The following CCN4 variants were observed in gnomAD, a reference collection of about 807,000 sequenced individuals.
The protein encoded by CCN4 is CCN family member 4.
Under a neutral mutation model 36.7 loss-of-function variants are expected in CCN4, and 30 were observed. That is an observed-to-expected ratio of 0.82 (90% CI 0.61 to 1.11). CCN4 has a LOEUF of 1.11. Among genes scored for constraint, CCN4 ranks in the 50% least tolerant of loss-of-function variants. CCN4 has a pLI of 0.00. For missense variants in CCN4, 505 were observed against 504.9 expected (o/e 1.00, Z 0.00); for synonymous variants, 191 against 195.4 (o/e 0.98, Z 0.19).
rs1854963635 is a variant in CCN4 at position 133,231,466 on chromosome 8, T to G, written c.*3756T>G. ...AATAACACTTGGGCAATCTGTCATG[T>G]TTCACAACAGTTCTCATTTTTCTCA... On this transcript the variant is annotated 3_prime_UTR_variant, in exon 5 of 5. Transcript: ENST00000250160. 1 of 152,234 alleles carries G rather than the reference T, an allele frequency of 6.6e-6. No homozygotes were observed. Among genetic ancestry groups the G allele is most frequent in the Non-Finnish European group, 1.5e-5 (1 of 68,032 alleles). 9.4% of individuals were successfully genotyped at this position (152,234 alleles called of 1,614,324 possible).
intron 3 of CCN4, 99 bp downstream of exon 3, chr8:133,220,940 C>T (rs1277777794): frequency 1.5e-5 from 21 of 1,440,330 alleles, no homozygotes; most frequent in Non-Finnish European, 1.9e-5. Context: ...TTCCCCAGTC[C>T]ACTACCTACT....
intron 1 of CCN4, among the ~76,000 whole-genome samples, chr8:133,209,605 C>T (rs62514029): frequency 0.079 from 12,006 of 152,300 alleles, 642 homozygotes; most frequent in Non-Finnish European, 0.12. Flanking sequence ...AAGGAAGCTT[C>T]CTTCTGGGCA....
intron 3 of CCN4, among the ~76,000 whole-genome samples, chr8:133,224,935 CAA>C (rs55861580): frequency 1.1e-3 from 137 of 130,154 alleles, no homozygotes; most frequent in East Asian, 1.6e-3. Flanking sequence ...AACTCTGTCT[CAA>C]AAAAAAAAAA....
intron 1 of CCN4, among the ~76,000 whole-genome samples, chr8:133,210,304 G>A (rs1225374968): frequency 6.6e-6 from 1 of 152,052 alleles, no homozygotes; most frequent in African/African-American, 2.4e-5. Flanking sequence ...CTGAGAGATG[G>A]TCTGCTAGTG....
Position 133,226,800 on chromosome 8 carries a change from A to G in CCN4, c.805-611A>G, listed in dbSNP as rs553954915. On this transcript the variant is annotated intron_variant, in intron 4 of 4. Transcript: ENST00000250160. ...ACTATTTACACAGTAGACCCTGAGA[A>G]CCCTCAATCCAATGGGTTTAGTAAG... Among the ~76,000 whole-genome samples the G allele has an allele frequency of 2.0e-5, 3 of 152,278 alleles. No individual in the cohort carries two copies. The South Asian group carries it at 6.2e-4, about 32-fold the overall frequency.
chr8:133,206,074 G>A (rs369564897), intron 1 of CCN4, among the ~76,000 whole-genome samples: 22 of 152,268 alleles, frequency 1.4e-4, no homozygotes, highest in African/African-American at 5.3e-4. Flanking sequence ...GTGCGGCATG[G>A]GAGTCCCACC....
intron 2 of CCN4, 25 bp downstream of exon 2, chr8:133,213,168 G>T: frequency 6.3e-7 from 1 of 1,579,152 alleles, no homozygotes; most frequent in Non-Finnish European, 8.7e-7. Flanking sequence ...CATACCTTCT[G>T]ACCAGCCCCT....
intron 1 of CCN4, among the ~76,000 whole-genome samples, chr8:133,192,020 A>G (rs1409095908): frequency 6.6e-6 from 1 of 152,178 alleles, no homozygotes; most frequent in African/African-American, 2.4e-5. Context: ...CATGGTGAGG[A>G]AAAGGCAGAG....
intron 1 of CCN4, among the ~76,000 whole-genome samples, chr8:133,210,385 GGGTGT>G (rs1853965488): frequency 8.2e-6 from 1 of 122,376 alleles, no homozygotes; most frequent in African/African-American, 3.6e-5. Context: ...TCAAAAAGAG[GGGTGT>G]GTGTGTGTGT....
intron 3 of CCN4, among the ~76,000 whole-genome samples, chr8:133,222,747 G>A (rs965399518): frequency 6.6e-6 from 1 of 151,568 alleles, no homozygotes; most frequent in African/African-American, 2.4e-5. Context: ...GAGGCAAGCA[G>A]TAGAGAGCAG....
intron 4 of CCN4, 101 bp from the exon 5 acceptor site, chr8:133,227,310 G>C: frequency 8.1e-7 from 1 of 1,233,868 alleles, no homozygotes; most frequent in Non-Finnish European, 1.1e-6. Context: ...AAGGTGGAAT[G>C]CTCCCACATA....
At chr8:133,220,925 A>C in intron 3 of CCN4, 84 bp downstream of exon 3, 1 of 1,491,956 alleles carries the variant, frequency 6.7e-7, no homozygotes, top group Non-Finnish European at 9.0e-7. Flanking sequence ...CCATAGAATG[A>C]CTCATTCCCC....
intron 2 of CCN4, among the ~76,000 whole-genome samples, chr8:133,217,877 T>C (rs1411658272): frequency 6.7e-6 from 1 of 150,300 alleles, no homozygotes; most frequent in Non-Finnish European, 1.5e-5. Context: ...AGCACTGACC[T>C]CTCCCTCCAA....
chr8:133,225,529 G>A lies in CCN4; in HGVS notation c.750G>A (p.Glu250=). ...ACGCCCAGTGCTGGCCTGAGCAAGA[G>A]AGCCGCCTCTGCAACTTGCGGCCAT... ...NVNAQCWPEQ[E]SRLCNLRPCD... Residue 250 remains glutamate (E), a synonymous_variant, in exon 4 of 5, where the codon GAG becomes GAA. Transcript: ENST00000250160. 6.2e-7 allele frequency: 1 copy of A among 1,613,624 alleles called. No individual in the cohort carries two copies. The highest frequency in any genetic ancestry group is 8.5e-7 in the Non-Finnish European group (1 of 1,179,656).
At position 133,220,687 on chromosome 8, in the gene CCN4, C is replaced by A; in HGVS notation, c.456C>A (p.Gly152=). 6.2e-7 allele frequency: 1 copy of A among 1,613,982 alleles called. No individual in the cohort carries two copies. The highest frequency in any genetic ancestry group is 1.1e-5 in the South Asian group (1 of 91,080). The part of the protein sequence containing the change: ...YNCTCIDGAV[G]CTPLCLRVRP... ...GCACGTGCATCGACGGCGCGGTGGG[C>A]TGCACACCACTGTGCCTCCGAGTGC... Residue 152 remains glycine, a synonymous_variant, in exon 3 of 5, where the codon GGC becomes GGA. Coordinates refer to ENST00000250160, the MANE Select transcript of CCN4 (RefSeq NM_003882.4).
chr8:133,191,181 A>G lies in CCN4; in HGVS notation c.37A>G (p.Thr13Ala). The change falls in exon 1 of 5, where the codon ACA (threonine) becomes GCA (alanine). Residue 13 changes from threonine to alanine, a missense_variant. Physicochemically the swap from Thr to Ala is moderately conservative, Grantham distance 58. Transcript: ENST00000250160. ...WFLPWTLAAVTAAAASTVLAT... is the reference protein window; with the variant it reads ...WFLPWTLAAVAAAAASTVLAT... The stretch of plus-strand genomic sequence containing the variant: ...CCTGCCCTGGACGCTGGCAGCAGTG[A>G]CAGCAGCAGCCGCCAGCACCGTCCT... 1 of 1,605,834 alleles carries G rather than the reference A, an allele frequency of 6.2e-7. No individual in the cohort carries two copies. The highest frequency in any genetic ancestry group is 1.1e-5 in the South Asian group (1 of 90,930).
chr8:133,227,940 T>C lies in CCN4; in HGVS notation c.*230T>C. On this transcript the variant is annotated 3_prime_UTR_variant, in exon 5 of 5. Transcript: ENST00000250160. ...TACTCTAAAGAAAAATGCCTGTCTC[T>C]AGCTGTTCTGGACTACACCCAAGCC... 1.9e-6 allele frequency: 1 copy of C among 537,380 alleles called. No homozygotes were observed. The highest frequency in any genetic ancestry group is 1.9e-5 in the African/African-American group (1 of 52,976). 33.3% of individuals were successfully genotyped at this position (537,380 alleles called of 1,614,324 possible). A position where few individuals can be genotyped will look rare whatever the true frequency, so the allele number is the denominator to read the frequency against.
Position 133,228,046 on chromosome 8 carries a change from T to C in CCN4, c.*336T>C, listed in dbSNP as rs1854810724. ...GAAATGGAATCAGGTAGACTTTTAA[T>C]ATCACTAATTTCTTCTTTAGATGCC... is the stretch of plus-strand genomic sequence containing the variant. On this transcript the variant is annotated 3_prime_UTR_variant, in exon 5 of 5. Coordinates refer to ENST00000250160, the MANE Select transcript of CCN4 (RefSeq NM_003882.4). 4.3e-6 allele frequency: 1 copy of C among 231,124 alleles called. No homozygotes were observed. Among genetic ancestry groups the C allele is most frequent in the Non-Finnish European group, 8.4e-6 (1 of 118,568 alleles). The allele number at this position is 231,124 out of a possible 1,614,324, so 14.3% of individuals were successfully genotyped here. A position where few individuals can be genotyped will look rare whatever the true frequency, so the allele number is the denominator to read the frequency against.
At chr8:133,204,217 A>C (rs549770415) in intron 1 of CCN4, among the ~76,000 whole-genome samples, 31 of 152,192 alleles carry the variant, frequency 2.0e-4, no homozygotes, top group Admixed American at 3.3e-4. Context: ...TTAAAATATC[A>C]AGGATAAAAT....
Sources: allele counts gnomAD v4.1 joint callset (sites outside exome capture counted in the v4.1 genomes callset), GRCh38; gene constraint gnomAD v4.1.1; transcripts MANE v1.5; gene names NCBI Gene and HGNC (gene_info 2026-07-23, HGNC 2026-07-21).